Variants in C1orf141 observed in about 807,000 individuals in gnomAD.
C1orf141 encodes chromosome 1 open reading frame 141, also known as uncharacterized protein C1orf141.
C1orf141 carries 19 observed loss-of-function variants against 23.2 expected under a neutral mutation model. The ratio of observed to expected loss-of-function variants is 0.82; its 90% CI spans 0.57 to 1.20. C1orf141 has a LOEUF of 1.20. Ranked by LOEUF, C1orf141 falls within the 50% of genes most tolerant of loss-of-function variation. C1orf141 has a pLI of 0.00. For synonymous variants in C1orf141, 153 were observed against 154.6 expected (o/e 0.99, Z 0.08); for missense variants, 469 against 455.1 (o/e 1.03, Z -0.28).
At position 67,095,327 on chromosome 1, in the gene C1orf141, TTTTC is replaced by T; in HGVS notation, c.507_510del (p.Lys170AlafsTer11). 6.2e-7 allele frequency: 1 copy of T among 1,600,764 alleles called. No homozygotes were observed. Among genetic ancestry groups the T allele is most frequent in the East Asian group, 2.2e-5 (1 of 44,810 alleles). ...TCCTCAAAGCACAACGGGAGCAAGC[TTTTC>T]TTTCTTACTGACCTATACTTACTTA... On this transcript the variant is annotated frameshift_variant, in exon 7 of 8. Coordinates refer to ENST00000684719, the MANE Select transcript of C1orf141 (RefSeq NM_001276351.2). LOFTEE classifies it high-confidence loss of function.
At chr1:67,112,619 T>G (rs1474545579) in intron 5 of C1orf141, among the ~76,000 whole-genome samples, 1 of 152,058 alleles carries the variant, frequency 6.6e-6, no homozygotes, top group East Asian at 1.9e-4. Flanking sequence ...GGAGGATTAC[T>G]GAGCCAGGGA....
At chr1:67,132,646 C>T (rs1274711950) in intron 1 of C1orf141, among the ~76,000 whole-genome samples, 1 of 152,102 alleles carries the variant, frequency 6.6e-6, no homozygotes, top group Admixed American at 6.5e-5. Flanking sequence ...TTACATCTAA[C>T]GGGGATTTGA....
intron 4 of C1orf141, among the ~76,000 whole-genome samples, chr1:67,117,658 T>C (rs1243738412): frequency 6.6e-6 from 1 of 152,244 alleles, no homozygotes; most frequent in Non-Finnish European, 1.5e-5. Flanking sequence ...GGCATTGTTC[T>C]GTTTCTAACT....
chr1:67,109,349 A>AAAAAT (rs1646015146), intron 5 of C1orf141, among the ~76,000 whole-genome samples: 1 of 145,980 alleles, frequency 6.9e-6, no homozygotes, highest in African/African-American at 2.5e-5. Context: ...AAAAAAAAAA[A>AAAAAT]AAAAAAAGGA....
At chr1:67,097,824 G>A (rs1645716493) in intron 5 of C1orf141, among the ~76,000 whole-genome samples, 1 of 152,158 alleles carries the variant, frequency 6.6e-6, no homozygotes, top group Admixed American at 6.6e-5. Flanking sequence ...AGTGTAAGTG[G>A]TGGGAAATCG....
chr1:67,104,455 CAAAT>C (rs1321281701), intron 5 of C1orf141, among the ~76,000 whole-genome samples: 1 of 151,890 alleles, frequency 6.6e-6, no homozygotes, highest in African/African-American at 2.4e-5. Flanking sequence ...TCTTGAAAGA[CAAAT>C]AAAGCAAATT....
At chr1:67,114,950 A>G (rs1395217521) in intron 5 of C1orf141, among the ~76,000 whole-genome samples, 1 of 152,238 alleles carries the variant, frequency 6.6e-6, no homozygotes, top group Non-Finnish European at 1.5e-5. Context: ...TGCTGGGATT[A>G]GAGGCGTAAG....
intron 5 of C1orf141, among the ~76,000 whole-genome samples, chr1:67,107,486 A>G (rs1395692581): frequency 1.3e-5 from 2 of 152,248 alleles, no homozygotes; most frequent in East Asian, 3.8e-4. Flanking sequence ...TATATGCTGT[A>G]TATAAAAAAT....
At chr1:67,132,199 C>T (rs1033001986) in intron 1 of C1orf141, among the ~76,000 whole-genome samples, 2 of 152,114 alleles carry the variant, frequency 1.3e-5, no homozygotes, top group Non-Finnish European at 2.9e-5. Context: ...GCTGGGATTA[C>T]AGGCAAGAGC....
intron 2 of C1orf141, among the ~76,000 whole-genome samples, chr1:67,128,660 G>A (rs865839152): frequency 1.3e-4 from 19 of 151,862 alleles, no homozygotes; most frequent in Admixed American, 2.0e-4. Flanking sequence ...AAGATGGCAC[G>A]CCACTGTGCT....
intron 4 of C1orf141, among the ~76,000 whole-genome samples, chr1:67,118,643 T>C (rs1646242896): frequency 6.6e-6 from 1 of 152,162 alleles, no homozygotes; most frequent in Non-Finnish European, 1.5e-5. Context: ...GAAGCTTAAA[T>C]CTCTAACGTT....
intron 5 of C1orf141, 21 bp from the exon 6 acceptor site, chr1:67,096,342 C>A: frequency 8.3e-7 from 1 of 1,204,192 alleles, no homozygotes; most frequent in South Asian, 1.3e-5. Context: ...AAAAGATTTT[C>A]ATAAAAGACA....
chr1:67,117,029 G>A (rs934729386), intron 4 of C1orf141, among the ~76,000 whole-genome samples: 12 of 151,888 alleles, frequency 7.9e-5, no homozygotes, highest in African/African-American at 2.2e-4. Context: ...TCTTATCCTA[G>A]ATTGTAAACT....
chr1:67,095,690 C>A, intron 6 of C1orf141: 1 of 300,562 alleles, frequency 3.3e-6, no homozygotes, highest in Non-Finnish European at 6.1e-6. Context: ...GAGGAGAACA[C>A]CAAAGGTAGA....
chr1:67,134,241 T>C (rs952911779), intron 1 of C1orf141, among the ~76,000 whole-genome samples: 2 of 152,222 alleles, frequency 1.3e-5, no homozygotes, highest in South Asian at 4.1e-4. Flanking sequence ...TGACCTCAAG[T>C]GATCCGCCCG....
intron 6 of C1orf141, chr1:67,095,910 T>C (rs1645669200): frequency 1.1e-5 from 2 of 186,666 alleles, no homozygotes; most frequent in African/African-American, 4.7e-5. Flanking sequence ...AATGATTTTT[T>C]TCATTATACA....
In C1orf141 at chr1:67,125,901, C is replaced by T; in HGVS notation, c.84G>A (p.Arg28=). Residue 28 remains arginine (R), a synonymous_variant, in exon 4 of 8, where the codon AGG becomes AGA. Transcript: ENST00000684719. ...TTGTTTTTCTTCCTTCACTCTGAAGCCTGTTTATCTGCAGCAATGCCAAAG... is the reference window on the plus strand; with the variant it reads ...TTGTTTTTCTTCCTTCACTCTGAAGTCTGTTTATCTGCAGCAATGCCAAAG... The part of the protein sequence containing the change: ...IILARRTKIN[R]LQSEGRKTTM... 6.3e-7 allele frequency: 1 copy of T among 1,591,362 alleles called. No homozygotes were observed. The highest frequency in any genetic ancestry group is 8.5e-7 in the Non-Finnish European group (1 of 1,171,446).
intron 4 of C1orf141, 82 bp from the exon 5 acceptor site, chr1:67,115,546 T>A: frequency 1.7e-6 from 1 of 605,098 alleles, no homozygotes; most frequent in Non-Finnish European, 2.8e-6. Flanking sequence ...TGGAGGAATG[T>A]GAAGTCCTAG....
chr1:67,095,027 CA>C, intron 7 of C1orf141: 1 of 451,954 alleles, frequency 2.2e-6, no homozygotes, highest in Non-Finnish European at 3.9e-6. Context: ...TAAAGAAAAA[CA>C]CTGAATTTTC....
Sources: allele counts gnomAD v4.1 joint callset (sites outside exome capture counted in the v4.1 genomes callset), GRCh38; gene constraint gnomAD v4.1.1; transcripts MANE v1.5; gene names NCBI Gene and HGNC (gene_info 2026-07-23, HGNC 2026-07-21).